ZDHHC20: variants seen among roughly 807,000 people sequenced by gnomAD.
ZDHHC20 encodes the protein zDHHC palmitoyltransferase 20.
A neutral mutation model predicts 57.8 loss-of-function variants in ZDHHC20; 43 were observed. That is an observed-to-expected ratio of 0.74 (90% CI 0.58 to 0.96). ZDHHC20 has a LOEUF of 0.96. Ranked by LOEUF, ZDHHC20 falls within the 40% of genes least tolerant of loss-of-function variation. ZDHHC20 has a pLI of 0.00. For synonymous variants in ZDHHC20, 157 were observed against 153.0 expected (o/e 1.03, Z -0.19); for missense variants, 391 against 441.1 (o/e 0.89, Z 1.02).
chr13:21,456,076 TCTC>T (rs1441913109), intron 1 of ZDHHC20, among the ~76,000 whole-genome samples: 12 of 152,182 alleles, frequency 7.9e-5, no homozygotes, highest in Non-Finnish European at 1.8e-4. Context: ...ATTATGATCT[TCTC>T]CTCCTAGTTT....
At position 21,374,910 on chromosome 13, in the gene ZDHHC20, G is replaced by C; in HGVS notation, c.*1786C>G. 3 of 336,428 alleles carry C rather than the reference G, an allele frequency of 8.9e-6. No homozygotes were observed. The highest frequency in any genetic ancestry group is 2.2e-3 in the Middle Eastern group (2 of 912). 20.8% of individuals were successfully genotyped at this position (336,428 alleles called of 1,614,324 possible). On this transcript the variant is annotated 3_prime_UTR_variant, in exon 13 of 13. Transcript: ENST00000400590. ...GCACTTTGGGAAGCTGAGGTGGGTG[G>C]ATTATTTGAGGTCAGGAGTTAGTGA... is the stretch of plus-strand genomic sequence containing the variant.
At chr13:21,395,021 G>C (rs1281768267) in intron 7 of ZDHHC20, among the ~76,000 whole-genome samples, 4 of 151,626 alleles carry the variant, frequency 2.6e-5, no homozygotes, top group Non-Finnish European at 5.9e-5. Context: ...AAGTTATAGT[G>C]GAAAGTAGCT....
At chr13:21,379,426 C>T (rs1406329176) in intron 11 of ZDHHC20, among the ~76,000 whole-genome samples, 1 of 151,986 alleles carries the variant, frequency 6.6e-6, no homozygotes, top group Admixed American at 6.6e-5. Context: ...GGACTACAGA[C>T]ACATGCTATC....
chr13:21,432,295 G>C (rs1465221829), intron 1 of ZDHHC20, among the ~76,000 whole-genome samples: 1 of 150,206 alleles, frequency 6.7e-6, no homozygotes, highest in South Asian at 2.1e-4. Flanking sequence ...CTCCCAAGTA[G>C]CTGGGACTAA....
chr13:21,434,073 G>GT (rs1882287340), intron 1 of ZDHHC20, among the ~76,000 whole-genome samples: 1 of 151,152 alleles, frequency 6.6e-6, no homozygotes, highest in Non-Finnish European at 1.5e-5. Flanking sequence ...AACAGGGTTT[G>GT]TTTTCCTTTC....
chr13:21,383,117 A>C, intron 9 of ZDHHC20, 108 bp from the exon 10 acceptor site: 1 of 1,043,082 alleles, frequency 9.6e-7, no homozygotes, highest in Non-Finnish European at 1.4e-6. Flanking sequence ...ATAACTTGTC[A>C]TATAAGGAAG....
At chr13:21,428,949 T>C (rs1323160341) in intron 1 of ZDHHC20, among the ~76,000 whole-genome samples, 1 of 152,218 alleles carries the variant, frequency 6.6e-6, no homozygotes, top group Non-Finnish European at 1.5e-5. Context: ...TAAATGTTTA[T>C]ACATTTTTTT....
At chr13:21,384,779 A>C (rs9316335) in intron 9 of ZDHHC20, among the ~76,000 whole-genome samples, 88,367 of 151,940 alleles carry the variant, frequency 0.58, 26,881 homozygotes, top group Non-Finnish European at 0.69. Context: ...ACAGAACGTA[A>C]TACTCTGGAC....
intron 1 of ZDHHC20, among the ~76,000 whole-genome samples, chr13:21,458,562 C>G (rs1885112695): frequency 6.6e-6 from 1 of 152,152 alleles, no homozygotes; most frequent in African/African-American, 2.4e-5. Flanking sequence ...AAAAGACACA[C>G]CTCCCTTCCC....
In ZDHHC20 at chr13:21,401,703, A is replaced by G. The variant is rs1688845666; in HGVS notation, c.441-18T>C. On this transcript the variant is annotated intron_variant, in intron 5 of 12. Coordinates refer to ENST00000400590, the MANE Select transcript of ZDHHC20 (RefSeq NM_001330059.2). ...GAATACATCTAGGAAACAAACAAGCATAAGAAAATCCATGCAGAAAAATTC... is the reference window on the plus strand; with the variant it reads ...GAATACATCTAGGAAACAAACAAGCGTAAGAAAATCCATGCAGAAAAATTC... 5 of 1,491,782 alleles carry G rather than the reference A, an allele frequency of 3.4e-6. No homozygotes were observed. Among genetic ancestry groups the G allele is most frequent in the South Asian group, 1.4e-5 (1 of 70,012 alleles). 92.4% of individuals were successfully genotyped at this position (1,491,782 alleles called of 1,614,324 possible). A position where few individuals can be genotyped will look rare whatever the true frequency, so the allele number is the denominator to read the frequency against.
chr13:21,409,351 C>T (rs1360255557), intron 4 of ZDHHC20, among the ~76,000 whole-genome samples: 1 of 152,150 alleles, frequency 6.6e-6, no homozygotes, highest in South Asian at 2.1e-4. Flanking sequence ...GTATATGTGT[C>T]CAGGAATTTA....
Position 21,432,914 on chromosome 13 carries a change from T to C in ZDHHC20, c.119-7236A>G, listed in dbSNP as rs528280394. On this transcript the variant is annotated intron_variant, in intron 1 of 12. Coordinates refer to ENST00000400590, the MANE Select transcript of ZDHHC20 (RefSeq NM_001330059.2). ...TTCATTAAATTAACCTGGAATTTTC[T>C]TATGGGAATCAACTGACTATACGTG... 2.0e-5 allele frequency among the ~76,000 whole-genome samples: 3 copies of C among 152,372 alleles called. No homozygotes were observed. In the East Asian group the frequency reaches 5.8e-4, roughly 29 times the overall value.
intron 1 of ZDHHC20, among the ~76,000 whole-genome samples, chr13:21,441,991 T>G (rs768826035): frequency 2.0e-5 from 3 of 152,218 alleles, no homozygotes; most frequent in Non-Finnish European, 4.4e-5. Context: ...TTCCTGGTTT[T>G]ATAGTGGAAT....
At chr13:21,428,589 G>T (rs1735052360) in intron 1 of ZDHHC20, among the ~76,000 whole-genome samples, 1 of 151,872 alleles carries the variant, frequency 6.6e-6, no homozygotes, top group African/African-American at 2.4e-5. Flanking sequence ...GACTGGGCGT[G>T]GTGGCTCATG....
chr13:21,381,719 C>A (rs1171726591), intron 10 of ZDHHC20, among the ~76,000 whole-genome samples, 170 bp from the exon 11 acceptor site: 1 of 152,136 alleles, frequency 6.6e-6, no homozygotes, highest in South Asian at 2.1e-4. Context: ...GCCCACAACC[C>A]CCCATTAAAT....
intron 4 of ZDHHC20, among the ~76,000 whole-genome samples, chr13:21,405,108 C>T (rs955921216): frequency 1.3e-5 from 2 of 151,818 alleles, no homozygotes; most frequent in Admixed American, 6.6e-5. Context: ...GATGTGTAGA[C>T]TCAATCTTTT....
intron 7 of ZDHHC20, among the ~76,000 whole-genome samples, chr13:21,393,699 C>CAAAAAAAAAAAAAAAAAAAAAAAAAAA (rs71093307): frequency 1.6e-5 from 1 of 63,414 alleles, no homozygotes; most frequent in African/African-American, 7.5e-5. Flanking sequence ...GCAAGTCTCA[C>CAAAAAAAAAAAAAAAAAAAAAAAAAAA]AAAAAAAAAA....
intron 1 of ZDHHC20, among the ~76,000 whole-genome samples, chr13:21,431,110 A>G (rs761640989): frequency 1.3e-5 from 2 of 152,174 alleles, no homozygotes; most frequent in Admixed American, 6.5e-5. Context: ...GGTGGACATA[A>G]TATTTTTGTA....
At chr13:21,436,086 T>C (rs1329607124) in intron 1 of ZDHHC20, among the ~76,000 whole-genome samples, 1 of 152,224 alleles carries the variant, frequency 6.6e-6, no homozygotes, top group East Asian at 1.9e-4. Context: ...CTGGAAGCTA[T>C]CTGCTGACTG....
Sources: gnomAD v4.1 joint callset for allele counts (sites outside exome capture counted in the v4.1 genomes callset) on GRCh38, gnomAD v4.1.1 for gene constraint, MANE v1.5 for transcripts, NCBI Gene and HGNC (gene_info 2026-07-23, HGNC 2026-07-21) for gene names.